The following KCNMA1 variants were observed in gnomAD, a reference collection of about 807,000 sequenced individuals.
KCNMA1 encodes the protein Calcium-activated potassium channel subunit alpha-1.
Under a neutral mutation model 140.0 loss-of-function variants are expected in KCNMA1, and 29 were observed. The observed-to-expected ratio is 0.21, with a 90% CI of 0.15 to 0.28. The LOEUF is 0.28. Among genes scored for constraint, KCNMA1 ranks in the 10% least tolerant of loss-of-function variants. The pLI is 1.00. For missense variants in KCNMA1, 880 were observed against 1,602.2 expected (o/e 0.55, Z 7.70); for synonymous variants, 612 against 611.9 (o/e 1.00, Z 0.00).
chr10:77,438,085 T>C (rs1392217477), intron 1 of KCNMA1, among the ~76,000 whole-genome samples: 2 of 152,102 alleles, frequency 1.3e-5, no homozygotes, highest in Admixed American at 6.6e-5. Context: ...TTTTTAGAGA[T>C]GGGATCCCAC....
Position 77,310,340 on chromosome 10 carries a change from A to G in KCNMA1, c.541-59084T>C, listed in dbSNP as rs561282215. On this transcript the variant is annotated intron_variant, in intron 2 of 27. Coordinates refer to ENST00000286628, the MANE Select transcript of KCNMA1 (RefSeq NM_001161352.2). ...CCATGATCCAACAACCAAAGGGTTAATTTCTGAGATCTCGATCCAAAAGGT... is the reference window on the plus strand; with the variant it reads ...CCATGATCCAACAACCAAAGGGTTAGTTTCTGAGATCTCGATCCAAAAGGT... 7.9e-5 allele frequency among the ~76,000 whole-genome samples: 12 copies of G among 152,246 alleles called. No homozygotes were observed. In the East Asian group the frequency reaches 2.3e-3, roughly 30 times the overall value.
At chr10:77,618,164 G>A (rs2090213582) in intron 1 of KCNMA1, among the ~76,000 whole-genome samples, 1 of 152,154 alleles carries the variant, frequency 6.6e-6, no homozygotes, top group African/African-American at 2.4e-5. Flanking sequence ...AGGTCCACAA[G>A]TGAAAGGAGC....
chr10:77,134,144 A>G (rs1564737049), intron 5 of KCNMA1, among the ~76,000 whole-genome samples: 2 of 152,168 alleles, frequency 1.3e-5, no homozygotes, highest in African/African-American at 4.8e-5. Context: ...ATAGGTATAT[A>G]TTATTAGCCC....
chr10:76,928,693 A>G (rs941920768), intron 23 of KCNMA1, among the ~76,000 whole-genome samples: 9 of 152,200 alleles, frequency 5.9e-5, no homozygotes, highest in Admixed American at 2.0e-4. Flanking sequence ...TCCTACATAC[A>G]GATGATGTAA....
At chr10:77,498,235 G>T (rs1410094618) in intron 1 of KCNMA1, among the ~76,000 whole-genome samples, 1 of 152,222 alleles carries the variant, frequency 6.6e-6, no homozygotes, top group Non-Finnish European at 1.5e-5. Context: ...CATCAGTAGG[G>T]CTGAACAGGG....
At chr10:77,136,367 G>A (rs34201112) in intron 5 of KCNMA1, among the ~76,000 whole-genome samples, 35,447 of 151,978 alleles carry the variant, frequency 0.23, 5,187 homozygotes, top group Middle Eastern at 0.34. Context: ...GTAGAATGTC[G>A]AAATTAAAAT....
At chr10:77,154,291 C>T (rs531813294) in intron 5 of KCNMA1, among the ~76,000 whole-genome samples, 9 of 152,140 alleles carry the variant, frequency 5.9e-5, no homozygotes, top group South Asian at 2.1e-4. Flanking sequence ...ATAAATTACC[C>T]GGTCTGGAGG....
At chr10:77,001,655 G>A (rs2153412255) in intron 18 of KCNMA1, 75 bp from the exon 19 acceptor site, 3 of 1,255,218 alleles carry the variant, frequency 2.4e-6, no homozygotes, top group Non-Finnish European at 3.4e-6. Flanking sequence ...CAAGGCAGCT[G>A]GAAGGGAGCT....
chr10:77,321,662 T>G (rs6480858), intron 2 of KCNMA1, among the ~76,000 whole-genome samples: 289 of 151,560 alleles, frequency 1.9e-3, no homozygotes, highest in African/African-American at 3.1e-3. Flanking sequence ...GCAGTGTCGG[T>G]TTTTTTTTCC....
intron 1 of KCNMA1, among the ~76,000 whole-genome samples, chr10:77,611,742 T>C (rs61854669): frequency 0.03 from 4,497 of 152,264 alleles, 133 homozygotes; most frequent in Non-Finnish European, 0.047. Context: ...CCTATGTCCC[T>C]GTAATGGCAA....
At chr10:77,489,943 T>G (rs1164406159) in intron 1 of KCNMA1, among the ~76,000 whole-genome samples, 2 of 152,202 alleles carry the variant, frequency 1.3e-5, no homozygotes, top group African/African-American at 4.8e-5. Context: ...GGTGGTCAGT[T>G]GTCTCATCTT....
intron 1 of KCNMA1, among the ~76,000 whole-genome samples, chr10:77,440,943 C>T (rs1484508573): frequency 2.6e-5 from 4 of 152,112 alleles, no homozygotes; most frequent in African/African-American, 4.8e-5. Context: ...CTCAGCCCTC[C>T]GAGTGGCTGG....
intron 1 of KCNMA1, among the ~76,000 whole-genome samples, chr10:77,621,605 C>G (rs1295826951): frequency 1.3e-5 from 2 of 152,138 alleles, no homozygotes; most frequent in East Asian, 3.9e-4. Context: ...CCAATATACT[C>G]TGTGTACAGT....
At chr10:77,617,244 G>A (rs889655430) in intron 1 of KCNMA1, among the ~76,000 whole-genome samples, 2 of 152,162 alleles carry the variant, frequency 1.3e-5, no homozygotes, top group South Asian at 2.1e-4. Context: ...CAAGAAACCC[G>A]GGAAGCAGCC....
intron 20 of KCNMA1, among the ~76,000 whole-genome samples, chr10:76,963,853 A>G (rs1454212352): frequency 6.6e-6 from 1 of 152,102 alleles, no homozygotes; most frequent in Non-Finnish European, 1.5e-5. Context: ...CTTGAGCACA[A>G]TGTTCAAGAA....
chr10:77,120,113 A>C (rs1259164985), intron 6 of KCNMA1, among the ~76,000 whole-genome samples: 1 of 152,246 alleles, frequency 6.6e-6, no homozygotes, highest in Admixed American at 6.5e-5. Flanking sequence ...TATCAAATGC[A>C]TGAAGGGCAA....
chr10:77,593,352 G>A (rs1237188211), intron 1 of KCNMA1, among the ~76,000 whole-genome samples: 1 of 152,186 alleles, frequency 6.6e-6, no homozygotes, highest in Non-Finnish European at 1.5e-5. Context: ...GATACATTTG[G>A]ATTAGTTAAT....
At chr10:77,428,075 G>A (rs1205543081) in intron 1 of KCNMA1, among the ~76,000 whole-genome samples, 3 of 152,112 alleles carry the variant, frequency 2.0e-5, no homozygotes, top group African/African-American at 7.2e-5. Flanking sequence ...GAAGGAAGAT[G>A]TGTTTTATAA....
chr10:77,499,542 GA>G lies in KCNMA1; in HGVS notation c.379-95520del, dbSNP rs1306457704. Among the ~76,000 whole-genome samples, 9 of 149,538 alleles carry G rather than the reference GA, an allele frequency of 6.0e-5. No individual in the cohort carries two copies. In the East Asian group the frequency reaches 7.8e-4, roughly 13 times the overall value. On this transcript the variant is annotated intron_variant, in intron 1 of 27. Coordinates refer to ENST00000286628, the MANE Select transcript of KCNMA1 (RefSeq NM_001161352.2). ...AAACAGAAGATATCAGATTATCTAT[GA>G]AAAAAAAAGAGAAAAATCAAGCTGA...
Sources: allele counts gnomAD v4.1 joint callset (sites outside exome capture counted in the v4.1 genomes callset), GRCh38; gene constraint gnomAD v4.1.1; transcripts MANE v1.5; gene names NCBI Gene and HGNC (gene_info 2026-07-23, HGNC 2026-07-21).